NICN1: variants seen among roughly 807,000 people sequenced by gnomAD.
NICN1 encodes nicolin 1, tubulin polyglutamylase complex subunit.
In NICN1, 18 loss-of-function variants were observed where a neutral mutation model predicts 26.3. The ratio of observed to expected loss-of-function variants is 0.68; its 90% confidence interval spans 0.47 to 1.01. The LOEUF is 1.01. Ranked by LOEUF, NICN1 falls within the 50% of genes least tolerant of loss-of-function variation. The pLI is 0.00. For synonymous variants in NICN1, 109 were observed against 111.0 expected, an observed-to-expected ratio of 0.98 and a Z score of 0.11; for missense variants, 239 against 278.3, an observed-to-expected ratio of 0.86 and a Z score of 1.00.
In NICN1 at chr3:49,425,383, G is replaced by C. The variant is rs768550906; in HGVS notation, c.479C>G (p.Pro160Arg). ...WLSHPVPCEQ[P>R]ALLREGLPDP... ...AGGGCTTACCTCACGGAGGAGTGCA[G>C]GTTGCTCACAGGGCACTGGGTGGGA... Residue 160 changes from proline (P) to arginine (R), a missense_variant, in exon 4 of 6, where the codon CCT (proline) becomes CGT (arginine). Physicochemically the swap from Pro to Arg is moderately radical, Grantham distance 103. Transcript: ENST00000273598. 1 of 1,613,212 alleles carries C rather than the reference G, an allele frequency of 6.2e-7. No homozygotes were observed. The highest frequency in any genetic ancestry group is 8.5e-7 in the Non-Finnish European group (1 of 1,179,800).
chr3:49,426,113 G>A lies in NICN1; in HGVS notation c.310-117C>T, dbSNP rs1448163329. ...AGGCCTTGGGAAGGAAGGAACAGTA[G>A]TCCCTCCAAGGCACTTCCCTGGAAG... On this transcript the variant is annotated intron_variant, in intron 2 of 5. Transcript: ENST00000273598. 94 of 1,108,720 alleles carry A rather than the reference G, an allele frequency of 8.5e-5. 1 individual carries two copies. Among genetic ancestry groups the A allele is most frequent in the South Asian group, 2.9e-5 (2 of 67,998 alleles). The allele number at this position is 1,108,720 out of a possible 1,614,324, so 68.7% of individuals were successfully genotyped here.
In NICN1 at chr3:49,424,883, C is replaced by T. The variant is rs763551929; in HGVS notation, c.601-9G>A. ...TCATAACAGCCATCCACCTGAAATACAAAAGACCATCAGGTCTGATCTGCT... is the reference window on the plus strand; with the variant it reads ...TCATAACAGCCATCCACCTGAAATATAAAAGACCATCAGGTCTGATCTGCT... On this transcript the variant is annotated splice_polypyrimidine_tract_variant and intron_variant, in intron 5 of 5. Transcript: ENST00000273598. 6.2e-7 allele frequency: 1 copy of T among 1,613,878 alleles called. No homozygotes were observed. Among genetic ancestry groups the T allele is most frequent in the Admixed American group, 1.7e-5 (1 of 59,996 alleles).
chr3:49,428,978 AT>A, intron 1 of NICN1, 129 bp downstream of exon 1: 1 of 806,858 alleles, frequency 1.2e-6, no homozygotes, highest in African/African-American at 1.8e-5. Flanking sequence ...TAAATGAATG[AT>A]TAACTAATTT....
At position 49,426,297 on chromosome 3, in the gene NICN1, G is replaced by A; in HGVS notation, c.264C>T (p.His88=). 3 of 1,614,208 alleles carry A rather than the reference G, an allele frequency of 1.9e-6. No homozygotes were observed. The highest frequency in any genetic ancestry group is 1.7e-5 in the Admixed American group (1 of 60,024). The change falls in exon 2 of 6, where the codon CAC becomes CAT. Residue 88 remains histidine (H), a synonymous_variant. Coordinates refer to ENST00000273598, the MANE Select transcript of NICN1 (RefSeq NM_032316.3). ...LRDYCLMPDP[H]SEEGAQEYVS... ...CATACTCCTGGGCTCCCTCCTCACT[G>A]TGTGGGTCAGGCATTAGGCAGTAGT...
rs1026854868 is a variant in NICN1, at chr3:49,422,470, A to C, written c.*2363T>G. 6.2e-7 allele frequency: 1 copy of C among 1,610,796 alleles called. No homozygotes were observed. ...CTGCATCGTCGCCTGCAACGAGTGC[A>C]GACGGCGCACAGAGGCCACCACACT... is the stretch of plus-strand genomic sequence containing the variant. On this transcript the variant is annotated 3_prime_UTR_variant, in exon 6 of 6. Coordinates refer to ENST00000273598, the MANE Select transcript of NICN1 (RefSeq NM_032316.3).
At chr3:49,426,877 C>T (rs2049174443) in intron 1 of NICN1, among the ~76,000 whole-genome samples, 1 of 152,142 alleles carries the variant, frequency 6.6e-6, no homozygotes, top group African/African-American at 2.4e-5. Context: ...TGCTCACAGT[C>T]TAAATGAGTA....
chr3:49,427,873 G>T (rs982504601), intron 1 of NICN1, among the ~76,000 whole-genome samples: 7 of 152,032 alleles, frequency 4.6e-5, no homozygotes, highest in Non-Finnish European at 8.8e-5. Flanking sequence ...CCAAGGTTGG[G>T]CTCTTTAATT....
rs544461335 is a variant in NICN1, at chr3:49,422,526, C to G, written c.*2307G>C. On this transcript the variant is annotated 3_prime_UTR_variant, in exon 6 of 6. Transcript: ENST00000273598. ...GCACGCCGGGAGATGTAGTCCAGGC[C>G]TCTGCTCGGACAGGTCTCTCTCCGG... 2,116 of 1,455,672 alleles carry G rather than the reference C, an allele frequency of 1.5e-3. 2 individuals are homozygous for G. The highest frequency in any genetic ancestry group is 1.9e-3 in the Non-Finnish European group (1,988 of 1,052,066). 90.2% of individuals were successfully genotyped at this position (1,455,672 alleles called of 1,614,324 possible).
At chr3:49,426,811 C>T (rs2049173938) in intron 1 of NICN1, among the ~76,000 whole-genome samples, 3 of 152,124 alleles carry the variant, frequency 2.0e-5, no homozygotes, top group Non-Finnish European at 1.5e-5. Context: ...TTCTACTAAA[C>T]TAACAATTTC....
At position 49,423,267 on chromosome 3, in the gene NICN1, A is replaced by G. The variant is rs951413988; in HGVS notation, c.*1566T>C. 8 of 152,346 alleles carry G rather than the reference A, an allele frequency of 5.3e-5. No individual in the cohort carries two copies. Among genetic ancestry groups the G allele is most frequent in the African/African-American group, 1.7e-4 (7 of 41,408 alleles). The allele number at this position is 152,346 out of a possible 1,614,324, so 9.4% of individuals were successfully genotyped here. A position where few individuals can be genotyped will look rare whatever the true frequency, so the allele number is the denominator to read the frequency against. On this transcript the variant is annotated 3_prime_UTR_variant, in exon 6 of 6. Transcript: ENST00000273598. Reference sequence around the variant, plus strand: ...AGACATACTGCAGTACTGCTTTGTAATAGCCACCAGGTGCAAAGCCAGGAA... The same window carrying G: ...AGACATACTGCAGTACTGCTTTGTAGTAGCCACCAGGTGCAAAGCCAGGAA...
Position 49,426,057 on chromosome 3 carries a change from C to T in NICN1, c.310-61G>A, listed in dbSNP as rs930060170. On this transcript the variant is annotated intron_variant, in intron 2 of 5. Transcript: ENST00000273598. Reference sequence around the variant, plus strand: ...GCTCACTGCCCAGAAGCCTCCCAACCAGCAATGAGCCAGAATGCTGCCCAC... The same window carrying T: ...GCTCACTGCCCAGAAGCCTCCCAACTAGCAATGAGCCAGAATGCTGCCCAC... The T allele has an allele frequency of 6.5e-6, 8 of 1,235,316 alleles. No individual in the cohort carries two copies. In the South Asian group the frequency reaches 7.8e-5, roughly 12 times the overall value. The allele number at this position is 1,235,316 out of a possible 1,614,324, so 76.5% of individuals were successfully genotyped here. A position where few individuals can be genotyped will look rare whatever the true frequency, so the allele number is the denominator to read the frequency against.
Position 49,426,384 on chromosome 3 carries a change from G to A in NICN1, c.177C>T (p.Ser59=), listed in dbSNP as rs1378972235. The stretch of plus-strand genomic sequence containing the variant: ...CTGAGGTGTACTGACGGACACGGAT[G>A]CTCAAAAAAGCTGTGTAGTAATTCT... ...TFKNYYTAFL[S]IRVRQYTSAH... The change falls in exon 2 of 6, where the codon AGC becomes AGT. Residue 59 remains serine, a synonymous_variant. Coordinates refer to ENST00000273598, the MANE Select transcript of NICN1 (RefSeq NM_032316.3). The A allele has an allele frequency of 1.2e-6, 2 of 1,614,040 alleles. No homozygotes were observed. The highest frequency in any genetic ancestry group is 1.7e-6 in the Non-Finnish European group (2 of 1,179,976).
chr3:49,429,096 A>G lies in NICN1; in HGVS notation c.132+12T>C. On this transcript the variant is annotated intron_variant, in intron 1 of 5. Transcript: ENST00000273598. ...CCCGGGAGCCTCGGTCGCGCCCACCAGGCTTGCTCACCTCGAAGGGAGCGA... is the reference window on the plus strand; with the variant it reads ...CCCGGGAGCCTCGGTCGCGCCCACCGGGCTTGCTCACCTCGAAGGGAGCGA... 4 of 1,590,220 alleles carry G rather than the reference A, an allele frequency of 2.5e-6. No homozygotes were observed. Among genetic ancestry groups the G allele is most frequent in the Non-Finnish European group, 3.4e-6 (4 of 1,167,978 alleles).
intron 1 of NICN1, among the ~76,000 whole-genome samples, chr3:49,428,801 A>G (rs1382750478): frequency 6.6e-6 from 1 of 151,804 alleles, no homozygotes; most frequent in Non-Finnish European, 1.5e-5. Flanking sequence ...CCAGGGACAA[A>G]ATGACCCCTA....
intron 2 of NICN1, 33 bp from the exon 3 acceptor site, chr3:49,426,029 C>G (rs1432131919): frequency 3.5e-6 from 5 of 1,418,732 alleles, no homozygotes; most frequent in Non-Finnish European, 5.0e-6. Flanking sequence ...CAGCAAGGAT[C>G]CAGCTCACTG....
chr3:49,429,068 CCGCCCGGGAGCCTCGGTCG>C, intron 1 of NICN1, 21 bp downstream of exon 1: 1 of 1,549,148 alleles, frequency 6.5e-7, no homozygotes, highest in Non-Finnish European at 8.7e-7. Flanking sequence ...CAGGTCGGCC[CCGCCCGGGAGCCTCGGTCG>C]CGCCCACCAG....
intron 4 of NICN1, 25 bp from the exon 5 acceptor site, chr3:49,425,078 G>A: frequency 6.3e-7 from 1 of 1,585,164 alleles, no homozygotes; most frequent in Non-Finnish European, 8.7e-7. Context: ...GGGGTCAGTG[G>A]CCATGGGTCT....
At chr3:49,429,083 G>C (rs746064312) in intron 1 of NICN1, 25 bp downstream of exon 1, 5 of 1,558,800 alleles carry the variant, frequency 3.2e-6, no homozygotes, top group South Asian at 1.2e-5. Flanking sequence ...CGGGAGCCTC[G>C]GTCGCGCCCA....
chr3:49,424,907 C>G, intron 5 of NICN1, 33 bp from the exon 6 acceptor site: 1 of 1,613,664 alleles, frequency 6.2e-7, no homozygotes, highest in Non-Finnish European at 8.5e-7. Flanking sequence ...GTCTGATCTG[C>G]TCAGGGCAAA....
Sources: gnomAD v4.1 joint callset for allele counts (sites outside exome capture counted in the v4.1 genomes callset) on GRCh38, gnomAD v4.1.1 for gene constraint, MANE v1.5 for transcripts, NCBI Gene and HGNC (gene_info 2026-07-23, HGNC 2026-07-21) for gene names.